Variants in BRF1 observed in about 807,000 individuals in gnomAD.
The protein encoded by BRF1 is BRF1 general transcription factor IIIB subunit.
Under a neutral mutation model 81.7 loss-of-function variants are expected in BRF1, and 59 were observed. That is an observed-to-expected ratio of 0.72 (90% confidence interval 0.59 to 0.90). The LOEUF (loss-of-function observed/expected upper bound fraction) is 0.90. Among genes scored for constraint, BRF1 ranks in the 40% least tolerant of loss-of-function variants. The probability of loss-of-function intolerance (pLI) is 0.00; values close to 1 mark genes in which losing one functional copy is unlikely to be tolerated. For missense variants in BRF1, 1,050 were observed against 936.3 expected, an observed-to-expected ratio of 1.12 and a Z score of -1.58; for synonymous variants, 491 against 395.6, an observed-to-expected ratio of 1.24 and a Z score of -2.86.
In BRF1 at chr14:105,217,814, A is replaced by G; in HGVS notation, c.1516-14T>C. On this transcript the variant is annotated splice_polypyrimidine_tract_variant and intron_variant, in intron 14 of 17. Coordinates refer to ENST00000547530, the MANE Select transcript of BRF1 (RefSeq NM_001519.4). ...AGACTTCTTGGGCTTGAGGGAAACAAGCAAGAATGCCTCCCGTGAGTCACG... is the reference window on the plus strand; with the variant it reads ...AGACTTCTTGGGCTTGAGGGAAACAGGCAAGAATGCCTCCCGTGAGTCACG... The G allele has an allele frequency of 6.2e-7, 1 of 1,607,356 alleles. No homozygotes were observed. Among genetic ancestry groups the G allele is most frequent in the Non-Finnish European group, 8.5e-7 (1 of 1,176,334 alleles).
intron 1 of BRF1, among the ~76,000 whole-genome samples, chr14:105,291,522 C>CA (rs79448793): frequency 4.3e-4 from 59 of 137,880 alleles, no homozygotes; most frequent in African/African-American, 9.4e-4. Flanking sequence ...CTAAAACATA[C>CA]AAAAAAAAAA....
At chr14:105,314,445 C>G (rs975506235) in intron 1 of BRF1, 2 of 148,154 alleles carry the variant, frequency 1.3e-5, no homozygotes, top group Admixed American at 1.3e-4. Flanking sequence ...CCGGCCCTTG[C>G]CCGCGGCTCC....
rs1031058243 is a variant in BRF1 at position 105,209,437 on chromosome 14, T to C, written c.*1114A>G. 3 of 691,724 alleles carry C rather than the reference T, an allele frequency of 4.3e-6. No homozygotes were observed. In the African/African-American group the frequency reaches 5.3e-5, roughly 12 times the overall value. 42.8% of individuals were successfully genotyped at this position (691,724 alleles called of 1,614,324 possible). On this transcript the variant is annotated 3_prime_UTR_variant, in exon 18 of 18. Transcript: ENST00000547530. ...CTGCGGGCCAAGTTGGGGCAGGACA[T>C]ACAGCCCATTCCATGGGGAGGATGA...
chr14:105,291,989 A>T (rs146828004), intron 1 of BRF1, among the ~76,000 whole-genome samples: 2 of 151,420 alleles, frequency 1.3e-5, no homozygotes, highest in Non-Finnish European at 2.9e-5. Context: ...CAAGAGAGAC[A>T]CTCCATCTCA....
intron 2 of BRF1, 132 bp from the exon 3 acceptor site, chr14:105,273,026 T>C (rs1158353135): frequency 1.9e-5 from 20 of 1,033,356 alleles, no homozygotes; most frequent in Non-Finnish European, 2.3e-5. Context: ...TCACTTTTTA[T>C]ATGTGGGTTC....
upstream of BRF1, among the ~76,000 whole-genome samples, chr14:105,304,981 C>G (rs12100451): frequency 0.083 from 12,616 of 152,270 alleles, 892 homozygotes; most frequent in African/African-American, 0.19. Flanking sequence ...CAAATCATAT[C>G]ATGTGTGTTC....
At chr14:105,308,538 A>G (rs949201669) in intron 1 of BRF1, among the ~76,000 whole-genome samples, 4 of 140,862 alleles carry the variant, frequency 2.8e-5, no homozygotes, top group African/African-American at 1.1e-4. Context: ...GCTGGAGTGC[A>G]GTGGTGCAAT....
Position 105,210,566 on chromosome 14 carries a change from C to T in BRF1, c.2019G>A (p.Glu673=), listed in dbSNP as rs1288050191. 2.4e-5 allele frequency: 39 copies of T among 1,611,664 alleles called. No homozygotes were observed. Among genetic ancestry groups the T allele is most frequent in the Non-Finnish European group, 3.3e-5 (39 of 1,179,910 alleles). The stretch of plus-strand genomic sequence containing the variant: ...AGGCCACACTTCAGTAGCCGTCGTC[C>T]TCATCGCCATCACAGCCATAGTCTG... ...GSNDYGCDGD[E]DDGY is the part of the protein sequence containing the mutation. The change falls in exon 18 of 18, where the codon GAG becomes GAA. Residue 673 remains glutamate, a synonymous_variant. Transcript: ENST00000547530. This position sits in a 1 kb window ranked among gnomAD's most constrained non-coding sequence, Gnocchi z 4.7.
At chr14:105,218,937 A>C in intron 14 of BRF1, 61 bp downstream of exon 14, 1 of 1,607,184 alleles carries the variant, frequency 6.2e-7, no homozygotes, top group Non-Finnish European at 8.5e-7. Context: ...TTCCAGAGAC[A>C]TTTGCCCCCC....
rs1350544217 is a variant in BRF1 at position 105,209,297 on chromosome 14, T to C, written c.*1254A>G. The C allele has an allele frequency of 1.6e-5, 8 of 506,220 alleles. No homozygotes were observed. Among genetic ancestry groups the C allele is most frequent in the Non-Finnish European group, 2.5e-5 (7 of 280,576 alleles). 31.4% of individuals were successfully genotyped at this position (506,220 alleles called of 1,614,324 possible). ...CAAGCCTCAGGCAATTTCTGTTAAG[T>C]AACAACAGATCTTCCTGCTTTACTA... On this transcript the variant is annotated 3_prime_UTR_variant, in exon 18 of 18. Transcript: ENST00000547530.
At chr14:105,306,815 A>G (rs1379349221) in intron 1 of BRF1, among the ~76,000 whole-genome samples, 2 of 152,098 alleles carry the variant, frequency 1.3e-5, no homozygotes, top group Non-Finnish European at 2.9e-5. Context: ...CATGTTGGCC[A>G]GGCTCGTCTT....
At chr14:105,263,782 G>A (rs113265721) in intron 3 of BRF1, among the ~76,000 whole-genome samples, 4,923 of 151,962 alleles carry the variant, frequency 0.032, 132 homozygotes, top group African/African-American at 0.075. Flanking sequence ...AAAATCAGCC[G>A]GATGTGGTGG....
intron 15 of BRF1, among the ~76,000 whole-genome samples, chr14:105,217,048 C>T (rs1400579308): frequency 1.3e-5 from 2 of 152,238 alleles, no homozygotes; most frequent in Non-Finnish European, 2.9e-5. Context: ...GCTGCAGAGC[C>T]TCGTGACCCT....
intron 5 of BRF1, among the ~76,000 whole-genome samples, chr14:105,243,165 G>A (rs1047838957): frequency 4.6e-5 from 7 of 151,122 alleles, no homozygotes; most frequent in African/African-American, 1.7e-4. Flanking sequence ...GTGAGGCTGG[G>A]TGTGGTGGCT....
chr14:105,288,637 CTTTTTTTT>C (rs747428235), intron 1 of BRF1, among the ~76,000 whole-genome samples: 4 of 137,028 alleles, frequency 2.9e-5, no homozygotes, highest in Admixed American at 7.3e-5. Context: ...TTCTTTCTTT[CTTTTTTTT>C]TTTTTTGAAA....
In BRF1 at chr14:105,210,117, A is replaced by G; in HGVS notation, c.*434T>C. ...CTGCTGGCGCCGAGTGCTGCTCAGG[A>G]GGGGACGGTGCGGAGGGTGGGCTGG... On this transcript the variant is annotated 3_prime_UTR_variant, in exon 18 of 18. Coordinates refer to ENST00000547530, the MANE Select transcript of BRF1 (RefSeq NM_001519.4). This position sits in a 1 kb window ranked among gnomAD's most constrained non-coding sequence, Gnocchi z 4.7. 4.3e-6 allele frequency: 1 copy of G among 231,360 alleles called. No homozygotes were observed. Among genetic ancestry groups the G allele is most frequent in the Non-Finnish European group, 8.5e-6 (1 of 118,124 alleles). The allele number at this position is 231,360 out of a possible 1,614,324, so 14.3% of individuals were successfully genotyped here.
intron 1 of BRF1, among the ~76,000 whole-genome samples, chr14:105,297,871 C>A (rs1179973950): frequency 6.6e-6 from 1 of 152,138 alleles, no homozygotes; most frequent in African/African-American, 2.4e-5. Context: ...TGGCGGTCGC[C>A]TGTAGTCCCA....
At chr14:105,224,873 T>C (rs1892841589) in intron 10 of BRF1, among the ~76,000 whole-genome samples, 1 of 152,228 alleles carries the variant, frequency 6.6e-6, no homozygotes, top group South Asian at 2.1e-4. Flanking sequence ...TGCTTTCTTC[T>C]GAATGTGTTC....
chr14:105,278,435 C>CA (rs368178497), intron 2 of BRF1, among the ~76,000 whole-genome samples: 7,718 of 108,326 alleles, frequency 0.071, 428 homozygotes, highest in African/African-American at 0.16. Context: ...ACCCTGTCTC[C>CA]AAAAAAAAAA....
Sources: allele counts gnomAD v4.1 joint callset (sites outside exome capture counted in the v4.1 genomes callset), GRCh38; gene constraint gnomAD v4.1.1; non-coding constraint Gnocchi (gnomAD v3.1); transcripts MANE v1.5; gene names NCBI Gene and HGNC (gene_info 2026-07-23, HGNC 2026-07-21).